The following E2F2 variants were observed in gnomAD, a reference collection of about 807,000 sequenced individuals.
E2F2 encodes the protein E2F transcription factor 2.
In E2F2, 22 loss-of-function variants were observed where a neutral mutation model predicts 42.2. That is an observed-to-expected ratio of 0.52 (90% CI 0.37 to 0.74). The LOEUF (loss-of-function observed/expected upper bound fraction) is 0.74. Among genes scored for constraint, E2F2 ranks in the 30% least tolerant of loss-of-function variants. The probability of loss-of-function intolerance (pLI) is 0.00; values close to 1 mark genes in which losing one functional copy is unlikely to be tolerated. For synonymous variants in E2F2, 248 were observed against 251.6 expected (o/e 0.99, Z 0.13); for missense variants, 481 against 557.8 (o/e 0.86, Z 1.39).
chr1:23,529,582 C>G (rs1192602324), intron 1 of E2F2, among the ~76,000 whole-genome samples: 2 of 152,204 alleles, frequency 1.3e-5, no homozygotes, highest in Non-Finnish European at 2.9e-5. Context: ...CTTCCAAAAC[C>G]CAGGACCTGG....
At position 23,530,769 on chromosome 1, in the gene E2F2, C is replaced by A. The variant is rs748605125; in HGVS notation, c.25G>T (p.Ala9Ser). Residue 9 changes from alanine (A) to serine (S), a missense_variant, in exon 1 of 7, where the codon GCT (alanine) becomes TCT (serine). Transcript: ENST00000361729. This position sits in a 1 kb window ranked among gnomAD's most constrained non-coding sequence, Gnocchi z 4.4. Reference sequence around the variant, plus strand: ...TTCGGGGTCTGCCCAGCGGCCGAAGCCAAGGCCCGGGGCCCTTGCAGCATA... The same window carrying A: ...TTCGGGGTCTGCCCAGCGGCCGAAGACAAGGCCCGGGGCCCTTGCAGCATA... MLQGPRAL[A>S]SAAGQTPKVV... 57 of 1,565,166 alleles carry A rather than the reference C, an allele frequency of 3.6e-5. No homozygotes were observed. The highest frequency in any genetic ancestry group is 4.7e-5 in the Non-Finnish European group (54 of 1,153,542).
rs1553184354 is a variant in E2F2, at chr1:23,524,106, A to AC, written c.358+276_358+277insG. Among the ~76,000 whole-genome samples, 200 of 131,696 alleles carry AC rather than the reference A, an allele frequency of 1.5e-3. 2 individuals are homozygous for AC. The highest frequency in any genetic ancestry group is 1.9e-3 in the Non-Finnish European group (108 of 57,588). The allele number at this position is 131,696 out of a possible 152,430, so 86.4% of individuals were successfully genotyped here. On this transcript the variant is annotated intron_variant, in intron 2 of 6. Transcript: ENST00000361729. ...AACAACAACAACAACAACAACAACAAAAAAAAACACAGAAGTAATGCAAGA... is the reference window on the plus strand; with the variant it reads ...AACAACAACAACAACAACAACAACAACAAAAAAACACAGAAGTAATGCAAGA...
At chr1:23,516,104 G>T (rs3218186) in intron 6 of E2F2, among the ~76,000 whole-genome samples, 2,223 of 152,332 alleles carry the variant, frequency 0.015, 22 homozygotes, top group Middle Eastern at 0.044. Context: ...CACATAGCTG[G>T]TAAGTGGATG....
intron 6 of E2F2, among the ~76,000 whole-genome samples, chr1:23,512,550 C>T (rs1314652798): frequency 1.3e-5 from 2 of 152,166 alleles, no homozygotes; most frequent in Non-Finnish European, 2.9e-5. Flanking sequence ...CAGACTCTAG[C>T]GCCTCCTCTC....
Position 23,521,084 on chromosome 1 carries a change from C to T in E2F2, c.579-13G>A, listed in dbSNP as rs541136572. On this transcript the variant is annotated splice_polypyrimidine_tract_variant and intron_variant, in intron 3 of 6. Transcript: ENST00000361729. ...CATTCCCCTGCCTCTGGGAACAGAG[C>T]AGCCCCCCAGTGTCAGTCTGTGGGT... 254 of 1,600,404 alleles carry T rather than the reference C, an allele frequency of 1.6e-4. 2 individuals are homozygous for T. In the South Asian group the frequency reaches 2.7e-3, roughly 17 times the overall value.
At chr1:23,524,122 T>G (rs1270768954) in intron 2 of E2F2, among the ~76,000 whole-genome samples, 6 of 143,576 alleles carry the variant, frequency 4.2e-5, no homozygotes, top group African/African-American at 7.7e-5. Flanking sequence ...AACACAGAAG[T>G]AATGCAAGAT....
rs1558253248 is a variant in E2F2 at position 23,524,094 on chromosome 1, ACAAC to A, written c.358+285_358+288del. ...TCTCACAACAACAACAACAACAACA[ACAAC>A]AACAACAAAAAAAAACACAGAAGTA... is the stretch of plus-strand genomic sequence containing the variant. On this transcript the variant is annotated intron_variant, in intron 2 of 6. Coordinates refer to ENST00000361729, the MANE Select transcript of E2F2 (RefSeq NM_004091.4). Among the ~76,000 whole-genome samples the A allele has an allele frequency of 4.4e-4, 61 of 138,330 alleles. 4 individuals are homozygous for A. The highest frequency in any genetic ancestry group is 1.1e-3 in the African/African-American group (36 of 34,244). The allele number at this position is 138,330 out of a possible 152,430, so 90.7% of individuals were successfully genotyped here. A position where few individuals can be genotyped will look rare whatever the true frequency, so the allele number is the denominator to read the frequency against.
intron 3 of E2F2, 78 bp downstream of exon 3, chr1:23,521,759 C>T (rs1643153330): frequency 6.3e-7 from 1 of 1,576,340 alleles, no homozygotes; most frequent in Non-Finnish European, 8.6e-7. Flanking sequence ...GCCACTCACA[C>T]CCACTGGCTA....
chr1:23,513,557 G>A (rs956190524), intron 6 of E2F2, among the ~76,000 whole-genome samples: 2 of 132,034 alleles, frequency 1.5e-5, no homozygotes, highest in South Asian at 2.5e-4. Context: ...AACACAGCAC[G>A]GAACATGTGT....
chr1:23,512,430 A>G (rs920434188), intron 6 of E2F2, among the ~76,000 whole-genome samples: 14 of 152,034 alleles, frequency 9.2e-5, no homozygotes, highest in African/African-American at 2.9e-4. Flanking sequence ...CTAGGGCCCA[A>G]AGAAGTCCAT....
At chr1:23,524,099 AACAAC>A (rs1432034581) in intron 2 of E2F2, among the ~76,000 whole-genome samples, 9 of 137,242 alleles carry the variant, frequency 6.6e-5, no homozygotes, top group African/African-American at 2.2e-4. Context: ...CAACAACAAC[AACAAC>A]AAAAAAAAAC....
Position 23,530,452 on chromosome 1 carries a change from G to T in E2F2, c.252+90C>A. ...CTTCCCTCTTCCCAAAACTCTACCT[G>T]CTCCACTCAAACTGGATCTCAGGCA... On this transcript the variant is annotated intron_variant, in intron 1 of 6. Coordinates refer to ENST00000361729, the MANE Select transcript of E2F2 (RefSeq NM_004091.4). The surrounding 1 kb of genome is among the most constrained non-coding windows in gnomAD (Gnocchi z 4.4). 1 of 1,520,710 alleles carries T rather than the reference G, an allele frequency of 6.6e-7. No individual in the cohort carries two copies. The highest frequency in any genetic ancestry group is 8.8e-7 in the Non-Finnish European group (1 of 1,134,062). The allele number at this position is 1,520,710 out of a possible 1,614,324, so 94.2% of individuals were successfully genotyped here.
intron 6 of E2F2, among the ~76,000 whole-genome samples, chr1:23,515,967 G>T (rs992725017): frequency 4.6e-5 from 7 of 152,208 alleles, no homozygotes; most frequent in African/African-American, 1.7e-4. Flanking sequence ...CTCCCAAACT[G>T]CTGGGATTAT....
chr1:23,516,190 A>T, intron 6 of E2F2, 145 bp downstream of exon 6: 1 of 1,118,548 alleles, frequency 8.9e-7, no homozygotes, highest in Non-Finnish European at 1.2e-6. Flanking sequence ...ATAAAGCATT[A>T]AGTACAATGC....
In E2F2 at chr1:23,507,241, GGCCTGGTGGCTCGT is replaced by G. The variant is rs1642815144; in HGVS notation, c.*2625_*2638del. 3 of 152,152 alleles carry G rather than the reference GGCCTGGTGGCTCGT, an allele frequency of 2.0e-5. No individual in the cohort carries two copies. In the East Asian group the frequency reaches 5.8e-4, roughly 29 times the overall value. 9.4% of individuals were successfully genotyped at this position (152,152 alleles called of 1,614,324 possible). A position where few individuals can be genotyped will look rare whatever the true frequency, so the allele number is the denominator to read the frequency against. On this transcript the variant is annotated 3_prime_UTR_variant, in exon 7 of 7. Transcript: ENST00000361729. ...CCTAAAGAAAATACCACTCAGGCTGGGCCTGGTGGCTCGTGCCTGTCATCTCAACACTTTGGGAG... is the reference window on the plus strand; with the variant it reads ...CCTAAAGAAAATACCACTCAGGCTGGGCCTGTCATCTCAACACTTTGGGAG...
At chr1:23,528,078 A>C (rs1643279545) in intron 1 of E2F2, among the ~76,000 whole-genome samples, 1 of 152,230 alleles carries the variant, frequency 6.6e-6, no homozygotes, top group Admixed American at 6.5e-5. Flanking sequence ...AGATGGCGCT[A>C]TTGCAAGCCA....
At chr1:23,524,177 G>C (rs1643208252) in intron 2 of E2F2, among the ~76,000 whole-genome samples, 1 of 152,032 alleles carries the variant, frequency 6.6e-6, no homozygotes, top group Non-Finnish European at 1.5e-5. Context: ...GAGACTATGG[G>C]CAAGTCACTC....
chr1:23,516,797 GC>G (rs1156570261), intron 5 of E2F2, among the ~76,000 whole-genome samples: 6 of 131,470 alleles, frequency 4.6e-5, no homozygotes, highest in Non-Finnish European at 8.6e-5. Context: ...TAGTTTTGGG[GC>G]GGGGGGGGGG....
chr1:23,522,042 C>T lies in E2F2; in HGVS notation c.373G>A (p.Gly125Arg), dbSNP rs764211496. The T allele has an allele frequency of 1.2e-6, 2 of 1,614,010 alleles. No individual in the cohort carries two copies. Among genetic ancestry groups the T allele is most frequent in the Non-Finnish European group, 1.7e-6 (2 of 1,180,002 alleles). The change falls in exon 3 of 7, where the codon GGG becomes AGG. Residue 125 changes from glycine to arginine, a missense_variant. Gly to Arg is a moderately radical substitution (Grantham distance 125). Transcript: ENST00000361729. ...GAAGTGTCATACCGAGTCTTCTCCC[C>T]GGGGGATTTGGGGGCTGAAGAAGAA... ...LPSPKTPKSP[G>R]EKTRYDTSLG...
Sources: allele counts gnomAD v4.1 joint callset (sites outside exome capture counted in the v4.1 genomes callset), GRCh38; gene constraint gnomAD v4.1.1; non-coding constraint Gnocchi (gnomAD v3.1); transcripts MANE v1.5; gene names NCBI Gene and HGNC (gene_info 2026-07-23, HGNC 2026-07-21).